Variants in FUT8 observed in about 807,000 individuals in gnomAD.
The protein encoded by FUT8 is alpha-(1,6)-fucosyltransferase.
In FUT8, 29 loss-of-function variants were observed where a neutral mutation model predicts 71.3. The observed-to-expected ratio is 0.41, with a 90% CI of 0.30 to 0.55. FUT8 has a LOEUF of 0.55. Among genes scored for constraint, FUT8 ranks in the 20% least tolerant of loss-of-function variants. The probability of loss-of-function intolerance (pLI) is 0.34; values close to 1 mark genes in which losing one functional copy is unlikely to be tolerated. For missense variants in FUT8, 544 were observed against 702.1 expected (o/e 0.77, Z 2.55); for synonymous variants, 254 against 239.3 (o/e 1.06, Z -0.57).
At chr14:65,410,893 C>A (rs1165971235), upstream of FUT8, 1 of 151,808 alleles carries the variant, frequency 6.6e-6, no homozygotes, top group Non-Finnish European at 1.5e-5. Flanking sequence ...GTGATCCTTC[C>A]TGCTTCTTCT....
rs1003590342 is a variant in FUT8 at position 65,479,815 on chromosome 14, C to G, written c.-228+24097C>G. ...GTAATTTTGATTACTATGCCTGTTGCAAACATGAGCAAGATGTTAAATGTA... is the reference window on the plus strand; with the variant it reads ...GTAATTTTGATTACTATGCCTGTTGGAAACATGAGCAAGATGTTAAATGTA... On this transcript the variant is annotated intron_variant, in intron 2 of 10. Transcript: ENST00000673929. 5.3e-5 allele frequency: 8 copies of G among 152,110 alleles called. No individual in the cohort carries two copies. The South Asian group carries it at 1.7e-3, about 31-fold the overall frequency. 9.4% of individuals were successfully genotyped at this position (152,110 alleles called of 1,614,324 possible). A position where few individuals can be genotyped will look rare whatever the true frequency, so the allele number is the denominator to read the frequency against.
chr14:65,582,055 G>T lies in FUT8; in HGVS notation c.203+20289G>T, dbSNP rs375394619. On this transcript the variant is annotated intron_variant, in intron 3 of 10. Transcript: ENST00000673929. ...TCATGGTGTTGAATTTGCCTTTGCG[G>T]TATAGAAAATAGAGCAGTGTACTTG... 7.2e-5 allele frequency among the ~76,000 whole-genome samples: 11 copies of T among 152,230 alleles called. No individual in the cohort carries two copies. The East Asian group carries it at 2.1e-3, about 29-fold the overall frequency.
At chr14:65,601,376 G>A (rs1566844882) in intron 3 of FUT8, among the ~76,000 whole-genome samples, 1 of 152,036 alleles carries the variant, frequency 6.6e-6, no homozygotes, top group Non-Finnish European at 1.5e-5. Flanking sequence ...AGTCCTATGG[G>A]TGACCACTTA....
rs532243618 is a variant in FUT8 at position 65,591,974 on chromosome 14, C to T, written c.204-24004C>T. ...GTTGTAACTAAAAAACATGTAAACT[C>T]TATTGCAAGATACTTAAAAAAAACT... On this transcript the variant is annotated intron_variant, in intron 3 of 10. Coordinates refer to ENST00000673929, the MANE Select transcript of FUT8 (RefSeq NM_001371533.1). Among the ~76,000 whole-genome samples the T allele has an allele frequency of 5.3e-5, 8 of 151,636 alleles. No homozygotes were observed. In the East Asian group the frequency reaches 1.6e-3, roughly 29 times the overall value.
chr14:65,690,898 G>A (rs536377295), intron 7 of FUT8, among the ~76,000 whole-genome samples: 6 of 151,802 alleles, frequency 4.0e-5, no homozygotes, highest in Admixed American at 2.0e-4. Context: ...GCTGATTTTC[G>A]TACTTTTAGT....
At chr14:65,454,665 G>A (rs750020338) in intron 1 of FUT8, among the ~76,000 whole-genome samples, 22 of 152,164 alleles carry the variant, frequency 1.4e-4, no homozygotes, top group Non-Finnish European at 2.4e-4. Context: ...AAAATCTCAT[G>A]TTGTTGACAT....
intron 2 of FUT8, among the ~76,000 whole-genome samples, chr14:65,490,337 C>G (rs946882753): frequency 2.6e-5 from 4 of 152,002 alleles, no homozygotes; most frequent in Non-Finnish European, 5.9e-5. Flanking sequence ...TCTTGTATTG[C>G]TCTATGCACA....
At chr14:65,697,624 T>TA (rs1894059911) in intron 7 of FUT8, among the ~76,000 whole-genome samples, 2 of 152,292 alleles carry the variant, frequency 1.3e-5, no homozygotes, top group Admixed American at 1.3e-4. Context: ...ATGATAGTAA[T>TA]CATCACAAAC....
intron 9 of FUT8, among the ~76,000 whole-genome samples, chr14:65,730,976 A>G (rs1895952305): frequency 6.6e-6 from 1 of 152,242 alleles, no homozygotes; most frequent in South Asian, 2.1e-4. Context: ...TTCTTTCTAA[A>G]AGTAGGTACA....
chr14:65,575,620 TTCC>T (rs1594781816), intron 3 of FUT8, among the ~76,000 whole-genome samples: 1 of 143,230 alleles, frequency 7.0e-6, no homozygotes, highest in East Asian at 2.4e-4. Context: ...CCTTCCTTCC[TTCC>T]TCTTTTTTTT....
At chr14:65,535,699 A>T (rs1884259526) in intron 2 of FUT8, among the ~76,000 whole-genome samples, 1 of 152,050 alleles carries the variant, frequency 6.6e-6, no homozygotes. Context: ...TTTTTGTCTG[A>T]CTGTGTGGTC....
intron 2 of FUT8, among the ~76,000 whole-genome samples, chr14:65,480,534 C>A (rs187051107): frequency 2.2e-4 from 34 of 151,952 alleles, no homozygotes; most frequent in African/African-American, 7.5e-4. Flanking sequence ...AGGCTGGTTT[C>A]AATCTCCTGG....
chr14:65,723,569 T>C (rs943612833), intron 8 of FUT8, among the ~76,000 whole-genome samples: 2 of 152,184 alleles, frequency 1.3e-5, no homozygotes, highest in African/African-American at 2.4e-5. Context: ...TTACCTAAAA[T>C]AGTAAAAACC....
intron 2 of FUT8, among the ~76,000 whole-genome samples, chr14:65,506,801 T>A (rs2066742479): frequency 6.6e-6 from 1 of 152,224 alleles, no homozygotes; most frequent in East Asian, 1.9e-4. Context: ...ACACTCTTAG[T>A]TATTTAAAAA....
At chr14:65,449,638 A>G (rs543090014) in intron 1 of FUT8, among the ~76,000 whole-genome samples, 56 of 152,284 alleles carry the variant, frequency 3.7e-4, no homozygotes, top group African/African-American at 1.3e-3. Flanking sequence ...GCCTTACTGC[A>G]TTTTTATCTT....
intron 1 of FUT8, among the ~76,000 whole-genome samples, chr14:65,432,266 C>T (rs960874534): frequency 6.6e-6 from 1 of 152,156 alleles, no homozygotes; most frequent in African/African-American, 2.4e-5. Flanking sequence ...TTCCAGGTGA[C>T]CCCTATACTG....
At chr14:65,386,167 T>A in the FUT8 span, among the ~76,000 whole-genome samples, 1 of 144,724 alleles carries the variant, frequency 6.9e-6, no homozygotes, top group Non-Finnish European at 1.5e-5. Flanking sequence ...AAAAAAGAAG[T>A]TCAGTGGTGC....
rs188891343 is a variant in FUT8, at chr14:65,465,874, A to C, written c.-228+10156A>C. ...CCGATAGAGGGTTGTTGAAGCTCCA[A>C]CTATGATATTGAATTCATGTGTTTC... On this transcript the variant is annotated intron_variant, in intron 2 of 10. Transcript: ENST00000673929. 1.6e-4 allele frequency among the ~76,000 whole-genome samples: 25 copies of C among 152,310 alleles called. No homozygotes were observed. The East Asian group carries it at 4.8e-3, about 29-fold the overall frequency.
At chr14:65,567,530 C>T (rs1031149386) in intron 3 of FUT8, among the ~76,000 whole-genome samples, 3 of 151,896 alleles carry the variant, frequency 2.0e-5, no homozygotes, top group African/African-American at 7.2e-5. Context: ...TCTATAACTC[C>T]TAGTCTCTCA....
Sources: allele counts gnomAD v4.1 joint callset (sites outside exome capture counted in the v4.1 genomes callset), GRCh38; gene constraint gnomAD v4.1.1; transcripts MANE v1.5; gene names NCBI Gene and HGNC (gene_info 2026-07-23, HGNC 2026-07-21).